Variants in OXCT1 observed in about 807,000 individuals in gnomAD.
The protein encoded by OXCT1 is succinyl-CoA:3-ketoacid coenzyme A transferase 1, mitochondrial.
OXCT1 carries 27 observed loss-of-function variants against 69.6 expected under a neutral mutation model. The ratio of observed to expected loss-of-function variants is 0.39; its 90% CI spans 0.29 to 0.54. The LOEUF (loss-of-function observed/expected upper bound fraction) is 0.54. OXCT1 is among the 20% of genes least tolerant of loss of function. The pLI is 0.72. For synonymous variants in OXCT1, 202 were observed against 217.8 expected (o/e 0.93, Z 0.64); for missense variants, 437 against 650.2 (o/e 0.67, Z 3.57).
chr5:41,738,008 T>TC (rs1269596595), intron 16 of OXCT1, among the ~76,000 whole-genome samples: 2 of 151,854 alleles, frequency 1.3e-5, no homozygotes, highest in East Asian at 3.9e-4. Context: ...TGAGCCAAGA[T>TC]CGCGCCACTG....
At chr5:41,833,984 G>T in intron 7 of OXCT1, among the ~76,000 whole-genome samples, 1 of 151,198 alleles carries the variant, frequency 6.6e-6, no homozygotes, top group Non-Finnish European at 1.5e-5. Flanking sequence ...CTCCAGCCTG[G>T]GCAACAAGAG....
Position 41,869,520 on chromosome 5 carries a change from C to T in OXCT1, c.78+761G>A, listed in dbSNP as rs553008371. On this transcript the variant is annotated intron_variant, in intron 1 of 16. Coordinates refer to ENST00000196371, the MANE Select transcript of OXCT1 (RefSeq NM_000436.4). Reference sequence around the variant, plus strand: ...CTCCGGATACCACTCGGTGGAGAGTCGGCAGTGGGGCACAAAAAGGATTTC... The same window carrying T: ...CTCCGGATACCACTCGGTGGAGAGTTGGCAGTGGGGCACAAAAAGGATTTC... Among the ~76,000 whole-genome samples, 49 of 152,158 alleles carry T rather than the reference C, an allele frequency of 3.2e-4. 1 individual carries two copies. The highest frequency in any genetic ancestry group is 1.1e-3 in the African/African-American group (46 of 41,436).
At chr5:41,739,306 T>C (rs975479572) in intron 16 of OXCT1, 84 bp downstream of exon 16, 1 of 936,998 alleles carries the variant, frequency 1.1e-6, no homozygotes, top group African/African-American at 1.6e-5. Flanking sequence ...TGATCACAAA[T>C]TAATGGTTCA....
At chr5:41,777,229 A>T (rs1420735038) in intron 13 of OXCT1, among the ~76,000 whole-genome samples, 2 of 152,168 alleles carry the variant, frequency 1.3e-5, no homozygotes, top group Admixed American at 1.3e-4. Flanking sequence ...CAGCCTGACC[A>T]ACATGGTCAA....
chr5:41,832,796 T>A (rs1267479056), intron 7 of OXCT1, among the ~76,000 whole-genome samples: 2 of 152,158 alleles, frequency 1.3e-5, no homozygotes, highest in South Asian at 4.1e-4. Context: ...TTCTATCAGA[T>A]AAATTTAACA....
intron 7 of OXCT1, among the ~76,000 whole-genome samples, chr5:41,827,063 A>G (rs1325083520): frequency 6.6e-6 from 1 of 152,068 alleles, no homozygotes; most frequent in Non-Finnish European, 1.5e-5. Flanking sequence ...ACTCAAGTCC[A>G]AGCCACCATT....
intron 1 of OXCT1, 27 bp from the exon 2 acceptor site, chr5:41,862,777 T>TA: frequency 4.5e-6 from 6 of 1,323,266 alleles, no homozygotes; most frequent in Non-Finnish European, 5.5e-6. Context: ...AAAAAATTGA[T>TA]AATCATTTGG....
chr5:41,835,264 A>G (rs1355539875), intron 7 of OXCT1, among the ~76,000 whole-genome samples: 1 of 152,228 alleles, frequency 6.6e-6, no homozygotes, highest in African/African-American at 2.4e-5. Context: ...ACCTATCAAG[A>G]TTGAACCAGA....
At chr5:41,852,978 G>A (rs1279418173) in intron 4 of OXCT1, among the ~76,000 whole-genome samples, 1 of 152,062 alleles carries the variant, frequency 6.6e-6, no homozygotes, top group African/African-American at 2.4e-5. Context: ...GGCCGAGGCA[G>A]GAGAATTGCT....
At chr5:41,817,179 C>T (rs1207190420) in intron 7 of OXCT1, among the ~76,000 whole-genome samples, 2 of 152,008 alleles carry the variant, frequency 1.3e-5, no homozygotes, top group African/African-American at 2.4e-5. Flanking sequence ...TAGTAAGGGA[C>T]ATTTTAGTCC....
intron 10 of OXCT1, among the ~76,000 whole-genome samples, chr5:41,802,619 C>T (rs910426868): frequency 1.3e-5 from 2 of 151,386 alleles, no homozygotes; most frequent in Non-Finnish European, 1.5e-5. Context: ...CTGAGGCTTA[C>T]TTAATTTTAT....
chr5:41,749,726 T>A, intron 14 of OXCT1, 119 bp from the exon 15 acceptor site: 6 of 707,404 alleles, frequency 8.5e-6, no homozygotes, highest in Non-Finnish European at 1.5e-5. Flanking sequence ...AAAGACTCTT[T>A]CAGAATTTTT....
At chr5:41,852,198 T>G (rs1749206046) in intron 4 of OXCT1, among the ~76,000 whole-genome samples, 1 of 151,984 alleles carries the variant, frequency 6.6e-6, no homozygotes, top group Admixed American at 6.6e-5. Flanking sequence ...GACATCTTTG[T>G]TTTTTTTGTT....
chr5:41,859,864 A>AATAT (rs3050894), intron 3 of OXCT1, among the ~76,000 whole-genome samples: 2,487 of 120,052 alleles, frequency 0.021, 66 homozygotes, highest in African/African-American at 0.031. Flanking sequence ...CTAGTATAGT[A>AATAT]ATATATATAT....
chr5:41,869,704 G>A (rs1464487899), intron 1 of OXCT1, among the ~76,000 whole-genome samples: 1 of 152,164 alleles, frequency 6.6e-6, no homozygotes, highest in African/African-American at 2.4e-5. Flanking sequence ...AGTCTACGGG[G>A]CAGCAGAGCC....
chr5:41,813,889 G>A (rs1394324147), intron 7 of OXCT1, among the ~76,000 whole-genome samples: 5 of 152,060 alleles, frequency 3.3e-5, no homozygotes, highest in African/African-American at 1.2e-4. Flanking sequence ...GTAGTAGCAA[G>A]AATAGTTGTA....
intron 7 of OXCT1, among the ~76,000 whole-genome samples, chr5:41,817,840 G>GA (rs1747324398): frequency 6.6e-6 from 1 of 152,172 alleles, no homozygotes; most frequent in Non-Finnish European, 1.5e-5. Context: ...GAAGTCAGAG[G>GA]AAACTAGGCA....
intron 10 of OXCT1, among the ~76,000 whole-genome samples, 170 bp downstream of exon 10, chr5:41,802,899 C>T (rs139814218): frequency 5.9e-5 from 9 of 152,176 alleles, no homozygotes; most frequent in East Asian, 3.9e-4. Context: ...CTATGTGGGA[C>T]GGATCCACTA....
At chr5:41,783,671 C>T (rs1188483608) in intron 13 of OXCT1, among the ~76,000 whole-genome samples, 2 of 152,316 alleles carry the variant, frequency 1.3e-5, no homozygotes, top group East Asian at 3.9e-4. Flanking sequence ...AGAAGTCTGC[C>T]TTTCAACACC....
Sources: allele counts gnomAD v4.1 joint callset (sites outside exome capture counted in the v4.1 genomes callset), GRCh38; gene constraint gnomAD v4.1.1; transcripts MANE v1.5; gene names NCBI Gene and HGNC (gene_info 2026-07-23, HGNC 2026-07-21).